NTM: variants seen among roughly 807,000 people sequenced by gnomAD.
The protein encoded by NTM is IgLON family member 2.
NTM carries 13 observed loss-of-function variants against 42.1 expected under a neutral mutation model. That is an observed-to-expected ratio of 0.31 (90% CI 0.20 to 0.49). The LOEUF is 0.49. NTM is among the 20% of genes least tolerant of loss of function. The pLI, the probability that NTM is intolerant of heterozygous loss-of-function variation, is 0.99. For synonymous variants in NTM, 187 were observed against 179.2 expected (o/e 1.04, Z -0.35); for missense variants, 373 against 452.8 (o/e 0.82, Z 1.60).
chr11:131,552,781 G>A (rs180687532), intron 1 of NTM, among the ~76,000 whole-genome samples: 4 of 146,372 alleles, frequency 2.7e-5, no homozygotes, highest in Non-Finnish European at 3.0e-5. Context: ...TTGTGCCACT[G>A]CACTCCAGCC....
intron 1 of NTM, among the ~76,000 whole-genome samples, chr11:131,839,111 C>A (rs1311800843): frequency 2.0e-5 from 3 of 152,010 alleles, no homozygotes; most frequent in Non-Finnish European, 4.4e-5. Context: ...CAGGTGCACA[C>A]CACCACACCC....
intron 2 of NTM, among the ~76,000 whole-genome samples, chr11:132,104,549 C>T (rs2062028225): frequency 2.7e-5 from 4 of 149,532 alleles, no homozygotes; most frequent in East Asian, 2.0e-4. Context: ...CCCAGGATTC[C>T]GAGACCAGCC....
intron 1 of NTM, among the ~76,000 whole-genome samples, chr11:131,910,470 C>CGCGCCCT: frequency 6.6e-6 from 1 of 151,514 alleles, no homozygotes; most frequent in South Asian, 2.1e-4. Context: ...GCCCGCGCCC[C>CGCGCCCT]GCGCCCCGCG....
At position 131,789,419 on chromosome 11, in the gene NTM, A is replaced by AAG. The variant is rs1347518379; in HGVS notation, c.83-122144_83-122143insGA. ...GAAGTATTGCTGCAGTTAAAAGAAA[A>AAG]AAAGAAGAAGGAAGAAGAAGAAGAA... On this transcript the variant is annotated intron_variant, in intron 1 of 8. Transcript: ENST00000683400. 2.1e-4 allele frequency among the ~76,000 whole-genome samples: 11 copies of AAG among 51,968 alleles called. 1 individual carries two copies. The highest frequency in any genetic ancestry group is 1.0e-3 in the African/African-American group (11 of 10,746). The allele number at this position is 51,968 out of a possible 152,430, so 34.1% of individuals were successfully genotyped here.
At chr11:131,525,104 C>G (rs417229) in intron 1 of NTM, among the ~76,000 whole-genome samples, 26,867 of 151,714 alleles carry the variant, frequency 0.18, 2,433 homozygotes, top group Middle Eastern at 0.23. Flanking sequence ...ATTGCCAGAC[C>G]TCTACGCTTA....
chr11:131,633,997 T>C (rs1293959803), intron 1 of NTM, among the ~76,000 whole-genome samples: 1 of 152,064 alleles, frequency 6.6e-6, no homozygotes, highest in Non-Finnish European at 1.5e-5. Context: ...CCCAAAATCA[T>C]GAATATCCAA....
intron 2 of NTM, among the ~76,000 whole-genome samples, chr11:131,965,428 A>G (rs979472150): frequency 1.3e-5 from 2 of 152,256 alleles, no homozygotes; most frequent in Non-Finnish European, 2.9e-5. Context: ...TTGGAGGCAC[A>G]TAAAAGGGAC....
intron 4 of NTM, among the ~76,000 whole-genome samples, chr11:132,277,278 GACTT>G (rs1268959412): frequency 2.6e-5 from 4 of 152,148 alleles, no homozygotes; most frequent in Non-Finnish European, 5.9e-5. Flanking sequence ...TGATTTTATC[GACTT>G]ACTTACAAGT....
chr11:132,151,361 C>A (rs2071866834), intron 3 of NTM, among the ~76,000 whole-genome samples: 1 of 152,130 alleles, frequency 6.6e-6, no homozygotes. Flanking sequence ...AAAAGTGTGC[C>A]ATGGTTGTGT....
chr11:132,079,366 G>A (rs1473364742), intron 2 of NTM, among the ~76,000 whole-genome samples: 1 of 152,148 alleles, frequency 6.6e-6, no homozygotes, highest in African/African-American at 2.4e-5. Context: ...CAGGCAACCT[G>A]GGTTTGAATC....
At position 132,199,643 on chromosome 11, in the gene NTM, G is replaced by A. The variant is rs569298110; in HGVS notation, c.401-12379G>A. Among the ~76,000 whole-genome samples the A allele has an allele frequency of 5.3e-5, 8 of 151,980 alleles. No homozygotes were observed. In the South Asian group the frequency reaches 1.7e-3, roughly 32 times the overall value. ...TGTCAAGATTCACTGACATCCTGATGGGCCTGCTTTCTCCTGCTGGGAACT... is the reference window on the plus strand; with the variant it reads ...TGTCAAGATTCACTGACATCCTGATAGGCCTGCTTTCTCCTGCTGGGAACT... On this transcript the variant is annotated intron_variant, in intron 3 of 8. Transcript: ENST00000683400.
chr11:131,424,606 T>TTTTTTTTTTTTTTTTTTATTTA, intron 1 of NTM, among the ~76,000 whole-genome samples: 8 of 134,178 alleles, frequency 6.0e-5, no homozygotes, highest in African/African-American at 2.2e-4. Context: ...TTTTCTTTTT[T>TTTTTTTTTTTTTTTTTTATTTA]TTTTTTTTTT....
At chr11:132,097,674 G>T (rs1027798171) in intron 2 of NTM, among the ~76,000 whole-genome samples, 1 of 152,242 alleles carries the variant, frequency 6.6e-6, no homozygotes, top group Non-Finnish European at 1.5e-5. Context: ...CTTTCTATTT[G>T]AGAATGTCTT....
chr11:131,672,244 C>T (rs2070425466), intron 1 of NTM, among the ~76,000 whole-genome samples: 3 of 152,202 alleles, frequency 2.0e-5, no homozygotes, highest in African/African-American at 7.2e-5. Flanking sequence ...CTGGGGAGGC[C>T]TCAAAGCATA....
At chr11:131,790,041 A>C (rs2136134390) in intron 1 of NTM, among the ~76,000 whole-genome samples, 1 of 151,774 alleles carries the variant, frequency 6.6e-6, no homozygotes, top group South Asian at 2.1e-4. Flanking sequence ...AGAAAGTGTC[A>C]CTGTTGAGAC....
chr11:131,469,566 C>T (rs7936616), intron 1 of NTM, among the ~76,000 whole-genome samples: 73,413 of 151,916 alleles, frequency 0.48, 18,052 homozygotes, highest in Admixed American at 0.58. Flanking sequence ...AGCTGAGTTG[C>T]CTTGGGCGCT....
chr11:132,197,437 T>C (rs1215606607), intron 3 of NTM, among the ~76,000 whole-genome samples: 1 of 152,118 alleles, frequency 6.6e-6, no homozygotes, highest in African/African-American at 2.4e-5. Context: ...TAAATTACCA[T>C]TTGTCATAAC....
At position 131,676,397 on chromosome 11, in the gene NTM, G is replaced by A. The variant is rs565531612; in HGVS notation, c.83-235167G>A. On this transcript the variant is annotated intron_variant, in intron 1 of 8. Transcript: ENST00000683400. ...GTCTAAGCTACCCAAAGAAGTGAAG[G>A]GCTGCGTTGGAGTTTTTCTAGCACT... 1.7e-4 allele frequency among the ~76,000 whole-genome samples: 26 copies of A among 152,290 alleles called. No individual in the cohort carries two copies. The Middle Eastern group carries it at 0.024, about 139-fold the overall frequency.
At chr11:131,789,600 AG>A (rs1170755339) in intron 1 of NTM, among the ~76,000 whole-genome samples, 1 of 81,988 alleles carries the variant, frequency 1.2e-5, no homozygotes, top group African/African-American at 5.8e-5. Context: ...AAGAAGAAGA[AG>A]AAGAAGAAGA....
Sources: gnomAD v4.1 joint callset for allele counts (sites outside exome capture counted in the v4.1 genomes callset) on GRCh38, gnomAD v4.1.1 for gene constraint, MANE v1.5 for transcripts, NCBI Gene and HGNC (gene_info 2026-07-23, HGNC 2026-07-21) for gene names.